Variants in SH3RF3 observed in about 807,000 individuals in gnomAD.
SH3RF3 encodes SH3 domain containing ring finger 3.
Under a neutral mutation model 66.3 loss-of-function variants are expected in SH3RF3, and 29 were observed. The observed-to-expected ratio is 0.44, with a 90% CI of 0.33 to 0.60. The LOEUF (loss-of-function observed/expected upper bound fraction) is 0.60. Ranked by LOEUF, SH3RF3 falls within the 20% of genes least tolerant of loss-of-function variation. SH3RF3 has a pLI of 0.04. For synonymous variants in SH3RF3, 583 were observed against 532.0 expected, an observed-to-expected ratio of 1.10 and a Z score of -1.32; for missense variants, 1,194 against 1,190.9, an observed-to-expected ratio of 1.00 and a Z score of -0.04.
At chr2:109,229,919 G>C (rs188347705) in intron 1 of SH3RF3, among the ~76,000 whole-genome samples, 1 of 151,100 alleles carries the variant, frequency 6.6e-6, no homozygotes, top group Non-Finnish European at 1.5e-5. Context: ...CTGCCTCCTG[G>C]GTTCACGCCA....
chr2:109,421,678 C>G (rs141047367), intron 5 of SH3RF3, among the ~76,000 whole-genome samples: 23 of 152,296 alleles, frequency 1.5e-4, no homozygotes, highest in Admixed American at 3.3e-4. Context: ...AGGGCACTTT[C>G]CACTCAGCTT....
chr2:109,441,347 G>A (rs1382563474), intron 7 of SH3RF3, among the ~76,000 whole-genome samples: 1 of 152,112 alleles, frequency 6.6e-6, no homozygotes, highest in Non-Finnish European at 1.5e-5. Flanking sequence ...AAGTTAAGTA[G>A]AGACATAATA....
chr2:109,443,771 G>A (rs1438269762), intron 7 of SH3RF3, among the ~76,000 whole-genome samples: 1 of 152,134 alleles, frequency 6.6e-6, no homozygotes, highest in Non-Finnish European at 1.5e-5. Context: ...AAAGGTACAA[G>A]GAGAAATAAA....
At chr2:109,478,498 T>C (rs1164075928) in intron 8 of SH3RF3, among the ~76,000 whole-genome samples, 2 of 152,240 alleles carry the variant, frequency 1.3e-5, no homozygotes, top group African/African-American at 2.4e-5. Flanking sequence ...CTTCATGCTT[T>C]CCATGAAAAT....
intron 1 of SH3RF3, among the ~76,000 whole-genome samples, chr2:109,140,495 C>T (rs940965348): frequency 7.2e-5 from 11 of 152,078 alleles, no homozygotes; most frequent in Admixed American, 2.0e-4. Context: ...ATTCTCCTGT[C>T]TCAGCCTCCC....
rs142878292 is a variant in SH3RF3, at chr2:109,498,508, G to A, written c.2481-2995G>A. 2.0e-3 allele frequency among the ~76,000 whole-genome samples: 311 copies of A among 152,312 alleles called. 1 individual carries two copies. The highest frequency in any genetic ancestry group is 3.5e-3 in the South Asian group (17 of 4,826). On this transcript the variant is annotated intron_variant, in intron 9 of 9. Coordinates refer to ENST00000309415, the MANE Select transcript of SH3RF3 (RefSeq NM_001099289.3). ...ACTGCCCCAAAGCCATGGCTTCTGCGCCCCAGGCTCTGTGAACACGTGGGG... is the reference window on the plus strand; with the variant it reads ...ACTGCCCCAAAGCCATGGCTTCTGCACCCCAGGCTCTGTGAACACGTGGGG...
chr2:109,443,349 G>A (rs1573256030), intron 7 of SH3RF3, among the ~76,000 whole-genome samples: 1 of 152,072 alleles, frequency 6.6e-6, no homozygotes, highest in South Asian at 2.1e-4. Context: ...GCCCCCTATC[G>A]GCTCTATCCT....
At chr2:109,221,122 T>A (rs1679226885) in intron 1 of SH3RF3, among the ~76,000 whole-genome samples, 1 of 152,208 alleles carries the variant, frequency 6.6e-6, no homozygotes, top group African/African-American at 2.4e-5. Flanking sequence ...TTTGAAGTCA[T>A]TATGCTGAGT....
chr2:109,472,855 A>G (rs866346552), intron 8 of SH3RF3, among the ~76,000 whole-genome samples: 5 of 152,206 alleles, frequency 3.3e-5, no homozygotes, highest in Non-Finnish European at 7.3e-5. Context: ...GGGTCGTGAC[A>G]CACTCAGACA....
intron 3 of SH3RF3, among the ~76,000 whole-genome samples, chr2:109,380,930 C>T (rs886639525): frequency 3.9e-5 from 6 of 152,228 alleles, no homozygotes; most frequent in African/African-American, 1.4e-4. Context: ...TCAGCCTTGC[C>T]AGAAAGAAGC....
At chr2:109,323,731 T>G (rs1261085998) in intron 1 of SH3RF3, among the ~76,000 whole-genome samples, 1 of 152,216 alleles carries the variant, frequency 6.6e-6, no homozygotes, top group Non-Finnish European at 1.5e-5. Context: ...CCTGTAAGAG[T>G]GGGCATGAGG....
At chr2:109,381,380 C>A (rs1365953791) in intron 3 of SH3RF3, among the ~76,000 whole-genome samples, 1 of 152,172 alleles carries the variant, frequency 6.6e-6, no homozygotes, top group African/African-American at 2.4e-5. Context: ...GGCGGGGTTA[C>A]TTTTACACCT....
chr2:109,179,941 A>G (rs1442272550), intron 1 of SH3RF3, among the ~76,000 whole-genome samples: 1 of 138,688 alleles, frequency 7.2e-6, no homozygotes, highest in Non-Finnish European at 1.6e-5. Flanking sequence ...ATTAAACAAG[A>G]CAGAGGCTGG....
intron 1 of SH3RF3, among the ~76,000 whole-genome samples, chr2:109,204,310 G>A (rs1220880397): frequency 1.3e-5 from 2 of 152,142 alleles, no homozygotes; most frequent in Non-Finnish European, 2.9e-5. Flanking sequence ...CAGAATAAGG[G>A]CACTCTTCTG....
At chr2:109,132,588 G>T (rs913105936) in intron 1 of SH3RF3, among the ~76,000 whole-genome samples, 1 of 152,168 alleles carries the variant, frequency 6.6e-6, no homozygotes. Flanking sequence ...CATAGCCTAA[G>T]ATCAGGAGTT....
chr2:109,207,711 A>G (rs895779467), intron 1 of SH3RF3, among the ~76,000 whole-genome samples: 5 of 152,218 alleles, frequency 3.3e-5, no homozygotes, highest in African/African-American at 1.2e-4. Context: ...AAACATTTGT[A>G]TAGGAAGACT....
Position 109,371,688 on chromosome 2 carries a change from C to T in SH3RF3, c.945+7C>T. ...CCCGCTCCTGTACGTGGAGGTAAGACCGTGCCGCCCTCCCACACTTGGCTC... is the reference window on the plus strand; with the variant it reads ...CCCGCTCCTGTACGTGGAGGTAAGATCGTGCCGCCCTCCCACACTTGGCTC... On this transcript the variant is annotated splice_region_variant and intron_variant, in intron 3 of 9. Transcript: ENST00000309415. 1 of 1,612,396 alleles carries T rather than the reference C, an allele frequency of 6.2e-7. No individual in the cohort carries two copies. The highest frequency in any genetic ancestry group is 8.5e-7 in the Non-Finnish European group (1 of 1,179,172).
intron 1 of SH3RF3, among the ~76,000 whole-genome samples, chr2:109,205,480 C>T (rs947567285): frequency 7.2e-5 from 11 of 152,256 alleles, no homozygotes; most frequent in Admixed American, 2.0e-4. Context: ...GAACTCCTGA[C>T]CTCAAGTGAT....
chr2:109,174,705 C>T (rs1300762429), intron 1 of SH3RF3, among the ~76,000 whole-genome samples: 1 of 152,208 alleles, frequency 6.6e-6, no homozygotes, highest in African/African-American at 2.4e-5. Flanking sequence ...GGCACATGCA[C>T]TGAGGTGGGA....
Sources: allele counts gnomAD v4.1 joint callset (sites outside exome capture counted in the v4.1 genomes callset), GRCh38; gene constraint gnomAD v4.1.1; transcripts MANE v1.5; gene names NCBI Gene and HGNC (gene_info 2026-07-23, HGNC 2026-07-21).